GNL2: variants seen among roughly 807,000 people sequenced by gnomAD.
The protein encoded by GNL2 is nucleolar GTP-binding protein 2.
Under a neutral mutation model 92.3 loss-of-function variants are expected in GNL2, and 51 were observed. The observed-to-expected ratio is 0.55, with a 90% CI of 0.44 to 0.70. The LOEUF is 0.70. Ranked by LOEUF, GNL2 falls within the 30% of genes least tolerant of loss-of-function variation. The pLI is 0.00. For synonymous variants in GNL2, 283 were observed against 300.6 expected, an observed-to-expected ratio of 0.94 and a Z score of 0.61; for missense variants, 844 against 895.6, an observed-to-expected ratio of 0.94 and a Z score of 0.74.
chr1:37,567,095 C>T, intron 15 of GNL2, 88 bp from the exon 16 acceptor site: 2 of 1,367,512 alleles, frequency 1.5e-6, no homozygotes, highest in African/African-American at 1.5e-5. Flanking sequence ...CTTCTCATCT[C>T]TGTGTTCTAT....
chr1:37,576,026 C>T (rs1160835907), intron 9 of GNL2: 2 of 307,258 alleles, frequency 6.5e-6, no homozygotes, highest in Non-Finnish European at 1.2e-5. Context: ...ACCTCATTGC[C>T]TTTAAGCAAA....
At chr1:37,593,664 G>A in intron 2 of GNL2, 98 bp downstream of exon 2, 1 of 756,528 alleles carries the variant, frequency 1.3e-6, no homozygotes, top group Non-Finnish European at 2.3e-6. Context: ...CTCCTATTTG[G>A]AGGAAGTGGG....
rs1159335565 is a variant in GNL2, at chr1:37,574,835, T to C, written c.1144-12A>G. On this transcript the variant is annotated splice_polypyrimidine_tract_variant and intron_variant, in intron 10 of 15. Coordinates refer to ENST00000373062, the MANE Select transcript of GNL2 (RefSeq NM_013285.3). Reference sequence around the variant, plus strand: ...TTTTCTACTTGAACCTAAATGTTAATAGGAAATCTCTCACTTACAAACTTT... The same window carrying C: ...TTTTCTACTTGAACCTAAATGTTAACAGGAAATCTCTCACTTACAAACTTT... 4 of 1,594,492 alleles carry C rather than the reference T, an allele frequency of 2.5e-6. No individual in the cohort carries two copies. The highest frequency in any genetic ancestry group is 3.4e-5 in the Admixed American group (2 of 59,302).
rs766174595 is a variant in GNL2, at chr1:37,582,867, G to A, written c.706C>T (p.His236Tyr). Residue 236 changes from histidine (H) to tyrosine (Y), a missense_variant, in exon 7 of 16, where the codon CAC (histidine) becomes TAC (tyrosine). Coordinates refer to ENST00000373062, the MANE Select transcript of GNL2 (RefSeq NM_013285.3). The stretch of plus-strand genomic sequence containing the variant: ...TCCTTCTTCAGGTAAGTTTCAATGT[G>A]AGGGGAACGAGTACCCATTGGATCT... ...ARDPMGTRSP[H>Y]IETYLKKEKP... The A allele has an allele frequency of 6.2e-7, 1 of 1,610,512 alleles. No individual in the cohort carries two copies. The highest frequency in any genetic ancestry group is 2.2e-5 in the East Asian group (1 of 44,874).
At chr1:37,578,534 A>G (rs1205297917) in intron 8 of GNL2, among the ~76,000 whole-genome samples, 3 of 152,012 alleles carry the variant, frequency 2.0e-5, no homozygotes, top group Non-Finnish European at 4.4e-5. Flanking sequence ...GGAGAAAAAA[A>G]AGAACCTATC....
intron 7 of GNL2, 82 bp from the exon 8 acceptor site, chr1:37,582,418 G>C: frequency 1.3e-6 from 1 of 799,970 alleles, no homozygotes; most frequent in East Asian, 2.7e-5. Flanking sequence ...TTGAATTACA[G>C]AACTGTTTCA....
rs111884982 is a variant in GNL2 at position 37,587,222 on chromosome 1, G to A, written c.569+89C>T. ...GCGGAGGTTGCAGTGGGCCAAGATC[G>A]CACCACTGCATTCCAGCCTGGGCGA... On this transcript the variant is annotated intron_variant, in intron 5 of 15. Transcript: ENST00000373062. The A allele has an allele frequency of 1.4e-3, 1,401 of 971,566 alleles. 15 individuals are homozygous for A. In the African/African-American group the frequency reaches 0.019, roughly 13 times the overall value. The allele number at this position is 971,566 out of a possible 1,614,324, so 60.2% of individuals were successfully genotyped here. A position where few individuals can be genotyped will look rare whatever the true frequency, so the allele number is the denominator to read the frequency against.
rs762059672 is a variant in GNL2, at chr1:37,576,470, A to C, written c.996T>G (p.Ser332=). Residue 332 remains serine (S), a synonymous_variant, in exon 9 of 16, where the codon TCT becomes TCG. Coordinates refer to ENST00000373062, the MANE Select transcript of GNL2 (RefSeq NM_013285.3). ...TGGGAGCCACGTTGCAAACTTTCTT[A>C]GAACGCAATGTATTTATCACAGAGC... The part of the protein sequence containing the change: ...GKSSVINTLR[S]KKVCNVAPIA... 3.7e-6 allele frequency: 6 copies of C among 1,613,970 alleles called. No homozygotes were observed. The highest frequency in any genetic ancestry group is 1.6e-4 in the Middle Eastern group (1 of 6,084).
intron 5 of GNL2, 78 bp from the exon 6 acceptor site, chr1:37,584,011 A>G (rs1207953984): frequency 2.4e-6 from 2 of 846,776 alleles, no homozygotes; most frequent in East Asian, 4.8e-5. Flanking sequence ...AAGTCAATGT[A>G]CCAAAAAAAA....
chr1:37,578,134 T>G (rs1191860747), intron 8 of GNL2, among the ~76,000 whole-genome samples: 1 of 152,088 alleles, frequency 6.6e-6, no homozygotes, highest in Non-Finnish European at 1.5e-5. Flanking sequence ...CAGGATGTCC[T>G]CCCAACAAAA....
chr1:37,576,887 G>C (rs561776238), intron 8 of GNL2, among the ~76,000 whole-genome samples: 1 of 152,144 alleles, frequency 6.6e-6, no homozygotes, highest in Non-Finnish European at 1.5e-5. Context: ...CAAGGAGAGC[G>C]GATCACCTGA....
intron 5 of GNL2, among the ~76,000 whole-genome samples, chr1:37,584,179 T>G (rs1297036768): frequency 6.6e-6 from 1 of 152,192 alleles, no homozygotes; most frequent in Non-Finnish European, 1.5e-5. Flanking sequence ...GCTGGCTCAG[T>G]GGCTCACACC....
intron 4 of GNL2, among the ~76,000 whole-genome samples, chr1:37,588,671 A>G (rs192337774): frequency 3.3e-4 from 51 of 152,308 alleles, no homozygotes; most frequent in Non-Finnish European, 6.3e-4. Flanking sequence ...AGTATAACAC[A>G]GTAATATACA....
In GNL2 at chr1:37,595,725, A is replaced by G; in HGVS notation, c.64+34T>C. 3.8e-6 allele frequency: 6 copies of G among 1,597,058 alleles called. No individual in the cohort carries two copies. In the South Asian group the frequency reaches 6.6e-5, roughly 18 times the overall value. The stretch of plus-strand genomic sequence containing the variant: ...CGGAGCCCTTCCCTATACTTCCTCC[A>G]AGCTCCACCCTCGATCAGCCCTGCC... On this transcript the variant is annotated intron_variant, in intron 1 of 15. Coordinates refer to ENST00000373062, the MANE Select transcript of GNL2 (RefSeq NM_013285.3).
Position 37,574,652 on chromosome 1 carries a change from A to G in GNL2, c.1302+13T>C, listed in dbSNP as rs1274261550. On this transcript the variant is annotated intron_variant, in intron 11 of 15. Transcript: ENST00000373062. ...ACAAGTATCAGTCTAAATTCTCACA[A>G]ACGCCGGGTCACCTTTAGTAACTTC... The G allele has an allele frequency of 1.9e-6, 3 of 1,612,658 alleles. No homozygotes were observed. In the Admixed American group the frequency reaches 5.0e-5, roughly 27 times the overall value.
rs577869889 is a variant in GNL2 at position 37,586,189 on chromosome 1, T to A, written c.569+1122A>T. Among the ~76,000 whole-genome samples the A allele has an allele frequency of 2.4e-3, 367 of 152,322 alleles. 1 individual carries two copies. The highest frequency in any genetic ancestry group is 8.3e-3 in the African/African-American group (346 of 41,568). Reference sequence around the variant, plus strand: ...TACTGACATAGAAATATATTCCTAATAATCACAGCTTACTGCAGCCTCAAA... The same window carrying A: ...TACTGACATAGAAATATATTCCTAAAAATCACAGCTTACTGCAGCCTCAAA... On this transcript the variant is annotated intron_variant, in intron 5 of 15. Transcript: ENST00000373062.
intron 4 of GNL2, among the ~76,000 whole-genome samples, chr1:37,589,405 T>C (rs1481853478): frequency 2.6e-5 from 4 of 152,074 alleles, no homozygotes; most frequent in Admixed American, 2.0e-4. Flanking sequence ...CCCGGGTTCA[T>C]ATCATTCTCC....
At chr1:37,590,107 A>T (rs1434051192) in intron 4 of GNL2, among the ~76,000 whole-genome samples, 1 of 152,128 alleles carries the variant, frequency 6.6e-6, no homozygotes, top group Non-Finnish European at 1.5e-5. Context: ...TCGGTTATCT[A>T]TACTTTCTGT....
At chr1:37,574,853 C>T (rs756157623) in intron 10 of GNL2, 30 bp from the exon 11 acceptor site, 4 of 1,558,960 alleles carry the variant, frequency 2.6e-6, no homozygotes, top group South Asian at 2.2e-5. Flanking sequence ...CTCTCACTTA[C>T]AAACTTTGTT....
Sources: allele counts gnomAD v4.1 joint callset (sites outside exome capture counted in the v4.1 genomes callset), GRCh38; gene constraint gnomAD v4.1.1; transcripts MANE v1.5; gene names NCBI Gene and HGNC (gene_info 2026-07-23, HGNC 2026-07-21).